GLIS3: variants seen among roughly 807,000 people sequenced by gnomAD.
GLIS3 encodes GLIS family zinc finger 3.
A neutral mutation model predicts 78.6 loss-of-function variants in GLIS3; 53 were observed. That is an observed-to-expected ratio of 0.67 (90% CI 0.54 to 0.85). The LOEUF (loss-of-function observed/expected upper bound fraction) is 0.85. Among genes scored for constraint, GLIS3 ranks in the 40% least tolerant of loss-of-function variants. GLIS3 has a pLI of 0.00. For synonymous variants in GLIS3, 684 were observed against 509.9 expected, an observed-to-expected ratio of 1.34 and a Z score of -4.60; for missense variants, 1,703 against 1,231.1, an observed-to-expected ratio of 1.38 and a Z score of -5.74.
At chr9:4,106,259 T>C (rs901759806) in intron 4 of GLIS3, among the ~76,000 whole-genome samples, 1 of 152,184 alleles carries the variant, frequency 6.6e-6, no homozygotes, top group African/African-American at 2.4e-5. Flanking sequence ...GAGTTTTCAT[T>C]ACACAAAAGC....
chr9:4,355,693 T>C, the GLIS3 span, among the ~76,000 whole-genome samples: 1 of 152,176 alleles, frequency 6.6e-6, no homozygotes, highest in Non-Finnish European at 1.5e-5. Context: ...AGCAAACCTC[T>C]TGGCTAATGT....
the GLIS3 span, among the ~76,000 whole-genome samples, chr9:4,485,359 G>A: frequency 1.2e-4 from 19 of 152,038 alleles, no homozygotes; most frequent in Non-Finnish European, 2.2e-4. Flanking sequence ...GGATTTCTGA[G>A]GACTGGCTGA....
intron 2 of GLIS3, among the ~76,000 whole-genome samples, chr9:4,233,312 A>G (rs1477205754): frequency 6.6e-6 from 1 of 152,140 alleles, no homozygotes; most frequent in Non-Finnish European, 1.5e-5. Flanking sequence ...CCCCCTCCAA[A>G]TAGGCTTGTA....
At chr9:4,475,649 T>C in the GLIS3 span, among the ~76,000 whole-genome samples, 2 of 152,162 alleles carry the variant, frequency 1.3e-5, no homozygotes. Context: ...TTCAGTATTA[T>C]GATATTGAGT....
chr9:4,323,611 A>T (rs561127691), intron 2 of GLIS3, among the ~76,000 whole-genome samples: 43 of 152,246 alleles, frequency 2.8e-4, no homozygotes, highest in African/African-American at 8.7e-4. Context: ...ATATTTTCTG[A>T]CCTTCATAAC....
intron 2 of GLIS3, among the ~76,000 whole-genome samples, chr9:4,323,850 A>C (rs1817569279): frequency 6.6e-6 from 1 of 152,250 alleles, no homozygotes; most frequent in South Asian, 2.1e-4. Flanking sequence ...TGAATCATGA[A>C]AAGAAGCATT....
chr9:4,252,776 A>C (rs1243843871), intron 2 of GLIS3, among the ~76,000 whole-genome samples: 1 of 151,870 alleles, frequency 6.6e-6, no homozygotes, highest in Non-Finnish European at 1.5e-5. Flanking sequence ...GATGTTGGTG[A>C]CCTTTGCGTG....
At chr9:4,024,570 A>G (rs200141789) in intron 4 of GLIS3, among the ~76,000 whole-genome samples, 136 of 152,214 alleles carry the variant, frequency 8.9e-4, no homozygotes, top group African/African-American at 3.2e-3. Flanking sequence ...TTTCACAATG[A>G]TTTACTGGTG....
At chr9:4,188,371 T>A (rs998835171) in intron 2 of GLIS3, among the ~76,000 whole-genome samples, 1 of 149,274 alleles carries the variant, frequency 6.7e-6, no homozygotes, top group African/African-American at 2.5e-5. Flanking sequence ...GGATAAGCTT[T>A]TTGATGTGCT....
chr9:3,970,768 T>C (rs1227885437), intron 4 of GLIS3, among the ~76,000 whole-genome samples: 1 of 152,126 alleles, frequency 6.6e-6, no homozygotes, highest in African/African-American at 2.4e-5. Flanking sequence ...TGGAGAACAA[T>C]TTACCAAGTA....
At chr9:4,424,487 C>G in the GLIS3 span, among the ~76,000 whole-genome samples, 1 of 152,172 alleles carries the variant, frequency 6.6e-6, no homozygotes, top group African/African-American at 2.4e-5. Flanking sequence ...AAAGGTCTAA[C>G]GTGGTCTCTT....
At chr9:4,341,030 T>C (rs528858403) in intron 2 of GLIS3, among the ~76,000 whole-genome samples, 3 of 152,344 alleles carry the variant, frequency 2.0e-5, no homozygotes, top group African/African-American at 2.4e-5. Context: ...TCTGACATCC[T>C]TGAATAGCCT....
intron 2 of GLIS3, among the ~76,000 whole-genome samples, chr9:4,139,564 A>C (rs1169966765): frequency 6.6e-6 from 1 of 152,120 alleles, no homozygotes; most frequent in South Asian, 2.1e-4. Context: ...GATACACACA[A>C]ACACATTCAG....
chr9:4,479,997 C>T, the GLIS3 span, among the ~76,000 whole-genome samples: 2 of 149,530 alleles, frequency 1.3e-5, no homozygotes, highest in African/African-American at 4.9e-5. Flanking sequence ...TCAGGTGATC[C>T]GCCCACCTTG....
At chr9:3,881,447 A>C (rs1821721020) in intron 7 of GLIS3, among the ~76,000 whole-genome samples, 1 of 152,156 alleles carries the variant, frequency 6.6e-6, no homozygotes, top group Admixed American at 6.5e-5. Context: ...GGCAACAAGG[A>C]AACTTGGTGT....
At chr9:4,356,437 A>G in the GLIS3 span, among the ~76,000 whole-genome samples, 65 of 152,366 alleles carry the variant, frequency 4.3e-4, no homozygotes, top group African/African-American at 1.5e-3. Context: ...GAAAAGTTGT[A>G]TCTGCCACCA....
chr9:4,140,571 G>A (rs1833734287), intron 2 of GLIS3, among the ~76,000 whole-genome samples: 1 of 152,094 alleles, frequency 6.6e-6, no homozygotes, highest in Non-Finnish European at 1.5e-5. Flanking sequence ...TCCAAGAAAT[G>A]GAAAGTACCC....
chr9:3,942,612 T>C (rs933359925), intron 4 of GLIS3, among the ~76,000 whole-genome samples: 5 of 152,160 alleles, frequency 3.3e-5, no homozygotes, highest in African/African-American at 7.2e-5. Context: ...GGTGAGAAAT[T>C]TGATGCATGA....
At chr9:4,370,231 C>A in the GLIS3 span, among the ~76,000 whole-genome samples, 4 of 150,048 alleles carry the variant, frequency 2.7e-5, no homozygotes, top group East Asian at 5.9e-4. Flanking sequence ...ACAATATAAC[C>A]AAAAGTTCAA....
Sources: gnomAD v4.1 joint callset for allele counts (sites outside exome capture counted in the v4.1 genomes callset) on GRCh38, gnomAD v4.1.1 for gene constraint, MANE v1.5 for transcripts, NCBI Gene and HGNC (gene_info 2026-07-23, HGNC 2026-07-21) for gene names.